PTPRF: variants seen among roughly 807,000 people sequenced by gnomAD.
PTPRF encodes the protein receptor-type tyrosine-protein phosphatase F.
A neutral mutation model predicts 201.8 loss-of-function variants in PTPRF; 59 were observed. That is an observed-to-expected ratio of 0.29 (90% CI 0.24 to 0.36). The LOEUF is 0.36. Among genes scored for constraint, PTPRF ranks in the 10% least tolerant of loss-of-function variants. The probability of loss-of-function intolerance (pLI) is 1.00; values close to 1 mark genes in which losing one functional copy is unlikely to be tolerated. For synonymous variants in PTPRF, 1,088 were observed against 1,089.7 expected, an observed-to-expected ratio of 1.00 and a Z score of 0.03; for missense variants, 2,132 against 2,690.5, an observed-to-expected ratio of 0.79 and a Z score of 4.59.
chr1:43,532,755 A>G (rs557006533), intron 1 of PTPRF, among the ~76,000 whole-genome samples: 2 of 152,208 alleles, frequency 1.3e-5, no homozygotes, highest in East Asian at 3.9e-4. Context: ...GAATGAGCCT[A>G]GGGCTTCAAG....
chr1:43,621,263 C>G (rs1570760155), intron 33 of PTPRF, 31 bp downstream of exon 33: 1 of 1,609,180 alleles, frequency 6.2e-7, no homozygotes, highest in South Asian at 1.1e-5. Context: ...GGGCCAGGGC[C>G]TTGGCAGCAG....
chr1:43,605,437 T>C lies in PTPRF; in HGVS notation c.3383T>C (p.Leu1128Pro), dbSNP rs762075103. The C allele has an allele frequency of 2.7e-5, 44 of 1,609,160 alleles. No homozygotes were observed. Among genetic ancestry groups the C allele is most frequent in the Non-Finnish European group, 3.6e-5 (42 of 1,175,878 alleles). ...LSMPHVQDPS[L>P]VRWFYIVVVP... ...ATGCCCCATGTGCAAGACCCCTCGCTTGTCAGGTGTGCACACGAGGTATCG... is the reference window on the plus strand; with the variant it reads ...ATGCCCCATGTGCAAGACCCCTCGCCTGTCAGGTGTGCACACGAGGTATCG... The change falls in exon 18 of 34, where the codon CTT (leucine) becomes CCT (proline). Residue 1128 changes from leucine (L) to proline (P), a missense_variant. By Grantham distance (98) the Leu-to-Pro change is moderately conservative. This residue lies in a region of PTPRF where 818 missense variants were observed against 915.3 expected (regional missense o/e 0.89). Transcript: ENST00000359947.
Position 43,617,412 on chromosome 1 carries a change from C to A in PTPRF, c.4072-33C>A, listed in dbSNP as rs777503292. 26 of 1,613,320 alleles carry A rather than the reference C, an allele frequency of 1.6e-5. No homozygotes were observed. The South Asian group carries it at 2.9e-4, about 18-fold the overall frequency. ...AGAAGCAGGTCAACCTTGGCTCTTA[C>A]CCCACCCCACCCGCTTTCTCCATTC... is the stretch of plus-strand genomic sequence containing the variant. On this transcript the variant is annotated intron_variant, in intron 23 of 33. Transcript: ENST00000359947.
intron 1 of PTPRF, among the ~76,000 whole-genome samples, chr1:43,531,816 C>G (rs1279843761): frequency 6.6e-6 from 1 of 152,140 alleles, no homozygotes; most frequent in Non-Finnish European, 1.5e-5. Flanking sequence ...AAAGTTCACT[C>G]AGTGGCCGCC....
At position 43,546,552 on chromosome 1, in the gene PTPRF, T is replaced by A. The variant is rs899029068; in HGVS notation, c.91+1386T>A. ...GGTCAGTAGCTCTTGGACATTGAAG[T>A]ACTGTCCTTGCCCTCCCCGCCGACC... On this transcript the variant is annotated intron_variant, in intron 3 of 33. Coordinates refer to ENST00000359947, the MANE Select transcript of PTPRF (RefSeq NM_002840.5). This position sits in a 1 kb window ranked among gnomAD's most constrained non-coding sequence, Gnocchi z 4.2. Among the ~76,000 whole-genome samples the A allele has an allele frequency of 1.3e-5, 2 of 152,038 alleles. No homozygotes were observed. Among genetic ancestry groups the A allele is most frequent in the Non-Finnish European group, 2.9e-5 (2 of 67,990 alleles).
chr1:43,563,609 G>A (rs1645960022), intron 5 of PTPRF, among the ~76,000 whole-genome samples: 1 of 152,206 alleles, frequency 6.6e-6, no homozygotes, highest in Admixed American at 6.5e-5. Flanking sequence ...AAAAAAGTGT[G>A]CGAAGGAGGA....
At chr1:43,532,597 C>A in intron 1 of PTPRF, 1 of 180,348 alleles carries the variant, frequency 5.5e-6, no homozygotes. Context: ...AAGGGAAGAT[C>A]TGGTGGGGAA....
chr1:43,620,176 T>C lies in PTPRF; in HGVS notation c.5193T>C (p.Asn1731=). Reference sequence around the variant, plus strand: ...TCTGGCGCATGCTATGGGAGCACAATTCCACCATCATCGTCATGCTGACCA... The same window carrying C: ...TCTGGCGCATGCTATGGGAGCACAACTCCACCATCATCGTCATGCTGACCA... ...EDFWRMLWEH[N]STIIVMLTKL... is the part of the protein sequence containing the mutation. Residue 1731 remains asparagine (N), a synonymous_variant, in exon 30 of 34, where the codon AAT becomes AAC. Coordinates refer to ENST00000359947, the MANE Select transcript of PTPRF (RefSeq NM_002840.5). The C allele has an allele frequency of 6.2e-7, 1 of 1,614,078 alleles. No homozygotes were observed. Among genetic ancestry groups the C allele is most frequent in the Non-Finnish European group, 8.5e-7 (1 of 1,179,970 alleles).
chr1:43,579,074 C>G (rs1436923505), intron 7 of PTPRF, 154 bp downstream of exon 7: 1 of 775,082 alleles, frequency 1.3e-6, no homozygotes, highest in Admixed American at 2.0e-5. Context: ...GCAGCAACAG[C>G]TCCCACTGGG....
chr1:43,597,111 TGTGAGAGACAC>T (rs996886977), intron 11 of PTPRF, among the ~76,000 whole-genome samples: 2 of 151,960 alleles, frequency 1.3e-5, no homozygotes, highest in African/African-American at 4.8e-5. Context: ...TGAGAGACTG[TGTGAGAGACAC>T]GTGTGAGACA....
In PTPRF at chr1:43,622,025, C is replaced by T. The variant is rs762085668; in HGVS notation, c.*22C>T. On this transcript the variant is annotated 3_prime_UTR_variant, in exon 34 of 34. Coordinates refer to ENST00000359947, the MANE Select transcript of PTPRF (RefSeq NM_002840.5). ...GTAACTACCGCTCCCCTCTCCTCCG[C>T]CACCCCCGCCGTGGGGCTCCGGAGG... The T allele has an allele frequency of 1.2e-6, 2 of 1,612,250 alleles. No homozygotes were observed. Among genetic ancestry groups the T allele is most frequent in the Non-Finnish European group, 1.7e-6 (2 of 1,178,598 alleles).
chr1:43,619,851 G>A lies in PTPRF; in HGVS notation c.5104G>A (p.Gly1702Ser), dbSNP rs139706869. 6.9e-5 allele frequency: 112 copies of A among 1,613,924 alleles called. No homozygotes were observed. The highest frequency in any genetic ancestry group is 1.7e-5 in the Admixed American group (1 of 60,008). Residue 1702 changes from glycine (G) to serine (S), a missense_variant, in exon 29 of 34, where the codon GGT (glycine) becomes AGT (serine). This residue lies in a region of PTPRF where 519 missense variants were observed against 659.5 expected (regional missense o/e 0.79). Transcript: ENST00000359947. Reference sequence around the variant, plus strand: ...CTACATCAATGCCAGCTTCCTGGATGGTTATAGGTCAGCATGCATGTCACT... The same window carrying A: ...CTACATCAATGCCAGCTTCCTGGATAGTTATAGGTCAGCATGCATGTCACT... Reference protein sequence around the residue: ...SDYINASFLDGYRQQKAYIAT... With the variant: ...SDYINASFLDSYRQQKAYIAT...
intron 5 of PTPRF, among the ~76,000 whole-genome samples, chr1:43,563,113 G>T (rs1318031404): frequency 6.6e-6 from 1 of 151,614 alleles, no homozygotes; most frequent in Non-Finnish European, 1.5e-5. Context: ...GGGAGGCAGA[G>T]GTTGCAGTGA....
intron 2 of PTPRF, among the ~76,000 whole-genome samples, chr1:43,543,418 T>C (rs1414692323): frequency 6.6e-6 from 1 of 152,160 alleles, no homozygotes; most frequent in African/African-American, 2.4e-5. Flanking sequence ...CTATCAACGT[T>C]CTTACTTGAA....
At chr1:43,544,372 G>A (rs1644530030) in intron 2 of PTPRF, among the ~76,000 whole-genome samples, 1 of 152,228 alleles carries the variant, frequency 6.6e-6, no homozygotes, top group Non-Finnish European at 1.5e-5. Flanking sequence ...GGCAGCAGCA[G>A]CTTGTCAAGA....
At chr1:43,584,373 C>G (rs1397543557) in intron 7 of PTPRF, among the ~76,000 whole-genome samples, 1 of 152,234 alleles carries the variant, frequency 6.6e-6, no homozygotes. Flanking sequence ...GATATCAGCC[C>G]TGAGCATCCA....
intron 8 of PTPRF, among the ~76,000 whole-genome samples, chr1:43,589,858 A>G (rs562699895): frequency 6.6e-6 from 1 of 151,224 alleles, no homozygotes; most frequent in South Asian, 2.1e-4. Flanking sequence ...TGACAGAGCG[A>G]GACCCTATGA....
At chr1:43,550,379 GC>G (rs1372796464) in intron 3 of PTPRF, among the ~76,000 whole-genome samples, 1 of 143,842 alleles carries the variant, frequency 7.0e-6, no homozygotes, top group Non-Finnish European at 1.5e-5. Flanking sequence ...AGGCGCACTC[GC>G]CCGGCCATTC....
At chr1:43,548,837 A>G (rs1644844413) in intron 3 of PTPRF, among the ~76,000 whole-genome samples, 1 of 152,136 alleles carries the variant, frequency 6.6e-6, no homozygotes, top group Non-Finnish European at 1.5e-5. Flanking sequence ...CCGTGTGTAC[A>G]TGTGTATGTG....
Sources: allele counts gnomAD v4.1 joint callset (sites outside exome capture counted in the v4.1 genomes callset), GRCh38; gene constraint gnomAD v4.1.1; regional missense constraint gnomAD v4.1.1; non-coding constraint Gnocchi (gnomAD v3.1); transcripts MANE v1.5; gene names NCBI Gene and HGNC (gene_info 2026-07-23, HGNC 2026-07-21).